MOXD1: variants seen among roughly 807,000 people sequenced by gnomAD.
MOXD1 encodes DBH-like monooxygenase protein 1.
MOXD1 carries 62 observed loss-of-function variants against 66.6 expected under a neutral mutation model. That is an observed-to-expected ratio of 0.93 (90% CI 0.76 to 1.15). The LOEUF (loss-of-function observed/expected upper bound fraction) is 1.15, where lower values mean the gene tolerates loss of function less well. MOXD1 is among the 50% of genes most tolerant of loss of function. The probability of loss-of-function intolerance (pLI) is 0.00; values close to 1 mark genes in which losing one functional copy is unlikely to be tolerated. For missense variants in MOXD1, 847 were observed against 754.6 expected (o/e 1.12, Z -1.44); for synonymous variants, 303 against 281.9 (o/e 1.07, Z -0.75).
At chr6:132,303,835 G>GTATATATA (rs1158339059) in intron 10 of MOXD1, among the ~76,000 whole-genome samples, 69 of 47,530 alleles carry the variant, frequency 1.5e-3, no homozygotes, top group Non-Finnish European at 2.3e-3. Context: ...GTGTGTGTGT[G>GTATATATA]TATATATATA....
At chr6:132,392,407 C>T (rs1776785853) in intron 1 of MOXD1, 7 of 1,432,214 alleles carry the variant, frequency 4.9e-6, no homozygotes, top group African/African-American at 1.4e-5. Context: ...TATTCAACAA[C>T]GTTGCTCTCT....
intron 10 of MOXD1, among the ~76,000 whole-genome samples, chr6:132,303,876 T>TATAC (rs1399106358): frequency 6.7e-5 from 3 of 45,060 alleles, no homozygotes; most frequent in Non-Finnish European, 1.1e-4. Context: ...TATATATATA[T>TATAC]ATACATATAT....
chr6:132,317,109 A>T (rs2114560264), intron 9 of MOXD1, among the ~76,000 whole-genome samples: 1 of 152,300 alleles, frequency 6.6e-6, no homozygotes, highest in East Asian at 1.9e-4. Flanking sequence ...TAAATGATGG[A>T]AATAACAAAA....
At chr6:132,358,435 A>G (rs1440247400) in intron 4 of MOXD1, among the ~76,000 whole-genome samples, 2 of 152,188 alleles carry the variant, frequency 1.3e-5, no homozygotes, top group Admixed American at 1.3e-4. Context: ...CATTTTTCTG[A>G]GCCTGTTTTC....
chr6:132,316,838 A>T (rs1006323374), intron 9 of MOXD1, among the ~76,000 whole-genome samples: 2 of 152,140 alleles, frequency 1.3e-5, no homozygotes, highest in African/African-American at 4.8e-5. Context: ...TTCTAGAATG[A>T]GAGGAAGAAG....
At chr6:132,371,405 C>G (rs989824280) in intron 4 of MOXD1, among the ~76,000 whole-genome samples, 1 of 152,116 alleles carries the variant, frequency 6.6e-6, no homozygotes, top group Non-Finnish European at 1.5e-5. Context: ...CATATTAACT[C>G]AATAACATTC....
At chr6:132,374,811 C>A (rs774500471) in intron 1 of MOXD1, 34 bp from the exon 2 acceptor site, 1 of 1,578,296 alleles carries the variant, frequency 6.3e-7, no homozygotes. Context: ...AATCAGGATA[C>A]CTAAATACAG....
At chr6:132,391,568 G>A (rs1776764616) in intron 1 of MOXD1, 1 of 152,058 alleles carries the variant, frequency 6.6e-6, no homozygotes, top group Admixed American at 6.5e-5. Flanking sequence ...AGCATTGTGA[G>A]TCATCCATAC....
Position 132,328,661 on chromosome 6 carries a change from C to T in MOXD1, c.664-67G>A, listed in dbSNP as rs115343682. 1.6e-3 allele frequency: 2,283 copies of T among 1,416,268 alleles called. 34 individuals carry two copies. In the African/African-American group the frequency reaches 0.028, roughly 17 times the overall value. 87.7% of individuals were successfully genotyped at this position (1,416,268 alleles called of 1,614,324 possible). ...CCACCCTACAACATCCCACAACAAA[C>T]GTGAAACTAGCATAAATTACTGTCA... On this transcript the variant is annotated intron_variant, in intron 4 of 11. Transcript: ENST00000367963.
chr6:132,377,905 A>T (rs940337025), intron 1 of MOXD1, among the ~76,000 whole-genome samples: 1 of 152,104 alleles, frequency 6.6e-6, no homozygotes, highest in Non-Finnish European at 1.5e-5. Flanking sequence ...AGGGGGGTGG[A>T]TCACCTGAGG....
intron 2 of MOXD1, among the ~76,000 whole-genome samples, chr6:132,373,679 G>A (rs951545334): frequency 2.0e-5 from 3 of 152,138 alleles, no homozygotes; most frequent in East Asian, 3.9e-4. Context: ...TTGCCCAAAG[G>A]GCTATGGGTT....
At chr6:132,329,565 G>A (rs553725075) in intron 4 of MOXD1, among the ~76,000 whole-genome samples, 172 of 152,184 alleles carry the variant, frequency 1.1e-3, no homozygotes, top group African/African-American at 4.0e-3. Context: ...CCAGTGGTGA[G>A]AGGTGAGATC....
chr6:132,299,406 A>G (rs1569523), intron 10 of MOXD1, among the ~76,000 whole-genome samples: 70,294 of 151,972 alleles, frequency 0.46, 18,075 homozygotes, highest in East Asian at 0.69. Flanking sequence ...AAACCTAAAC[A>G]TGCATCCCTT....
chr6:132,307,219 C>G (rs604350), intron 10 of MOXD1, among the ~76,000 whole-genome samples: 70,274 of 151,928 alleles, frequency 0.46, 18,075 homozygotes, highest in East Asian at 0.69. Context: ...GGTTGCAATC[C>G]TAGTCTCTGA....
chr6:132,348,385 A>G (rs533436431), intron 4 of MOXD1, among the ~76,000 whole-genome samples: 5 of 152,296 alleles, frequency 3.3e-5, no homozygotes, highest in African/African-American at 1.2e-4. Context: ...CAGTGTTCCC[A>G]CTGGGTACTC....
chr6:132,337,977 A>G (rs1420618384), intron 4 of MOXD1, among the ~76,000 whole-genome samples: 1 of 152,182 alleles, frequency 6.6e-6, no homozygotes, highest in Non-Finnish European at 1.5e-5. Flanking sequence ...TGTGCGACTA[A>G]CCAGCTGTGG....
chr6:132,297,863 C>T lies in MOXD1; in HGVS notation c.1601G>A (p.Gly534Asp), dbSNP rs1774445006. 1 of 1,613,512 alleles carries T rather than the reference C, an allele frequency of 6.2e-7. No homozygotes were observed. The highest frequency in any genetic ancestry group is 8.5e-7 in the Non-Finnish European group (1 of 1,179,698). Residue 534 changes from glycine to aspartate, a missense_variant, in exon 11 of 12, where the codon GGT becomes GAT. Transcript: ENST00000367963. ...GAGGACCAGCTTGTTGAAGGAGAGA[C>T]CTTCCTTTTTAGTCCATTTAAACTT... Reference protein sequence around the residue: ...MNKFKWTKKEGLSFNKLVLSL... With the variant: ...MNKFKWTKKEDLSFNKLVLSL...
At chr6:132,303,120 G>T (rs1774579614) in intron 10 of MOXD1, among the ~76,000 whole-genome samples, 1 of 152,034 alleles carries the variant, frequency 6.6e-6, no homozygotes, top group African/African-American at 2.4e-5. Flanking sequence ...CTTCCCTTGA[G>T]TAGGCAAAGA....
At position 132,401,208 on chromosome 6, in the gene MOXD1, G is replaced by C. The variant is rs1390135581; in HGVS notation, c.219C>G (p.Ala73=). Reference sequence around the variant, plus strand: ...GGGCCACCCCGCCCACGACGATGTCGGCGGACGCCATGGCCCCGGTGGGCG... The same window carrying C: ...GGGCCACCCCGCCCACGACGATGTCCGCGGACGCCATGGCCCCGGTGGGCG... ...GFSPTGAMAS[A]DIVVGGVAHG... is the part of the protein sequence containing the mutation. Residue 73 remains alanine (A), a synonymous_variant, in exon 1 of 12, where the codon GCC becomes GCG. Coordinates refer to ENST00000367963, the MANE Select transcript of MOXD1 (RefSeq NM_015529.4). The C allele has an allele frequency of 1.9e-6, 3 of 1,560,456 alleles. No homozygotes were observed. Among genetic ancestry groups the C allele is most frequent in the Non-Finnish European group, 2.6e-6 (3 of 1,161,404 alleles).
Sources: gnomAD v4.1 joint callset for allele counts (sites outside exome capture counted in the v4.1 genomes callset) on GRCh38, gnomAD v4.1.1 for gene constraint, MANE v1.5 for transcripts, NCBI Gene and HGNC (gene_info 2026-07-23, HGNC 2026-07-21) for gene names.